Variants in CCDC141 observed in about 807,000 individuals in gnomAD.
CCDC141 encodes coiled-coil domain-containing protein 141.
A neutral mutation model predicts 181.0 loss-of-function variants in CCDC141; 168 were observed. The ratio of observed to expected loss-of-function variants is 0.93; its 90% confidence interval spans 0.82 to 1.05. The LOEUF (loss-of-function observed/expected upper bound fraction) is 1.05, where lower values mean the gene tolerates loss of function less well. Ranked by LOEUF, CCDC141 falls within the 50% of genes least tolerant of loss-of-function variation. CCDC141 has a pLI of 0.00. For synonymous variants in CCDC141, 666 were observed against 642.3 expected (o/e 1.04, Z -0.56); for missense variants, 1,902 against 1,788.5 (o/e 1.06, Z -1.14).
At chr2:179,025,604 A>G (rs2042820826) in intron 2 of CCDC141, among the ~76,000 whole-genome samples, 1 of 152,218 alleles carries the variant, frequency 6.6e-6, no homozygotes. Flanking sequence ...GTATGTCTTT[A>G]TCAGCAGTGT....
At chr2:178,847,698 T>C (rs932679580) in intron 21 of CCDC141, among the ~76,000 whole-genome samples, 7 of 152,282 alleles carry the variant, frequency 4.6e-5, no homozygotes, top group East Asian at 1.9e-4. Flanking sequence ...TAGTTATATG[T>C]GGGATTATAC....
At chr2:178,853,349 G>T in intron 20 of CCDC141, 92 bp downstream of exon 20, 1 of 1,158,012 alleles carries the variant, frequency 8.6e-7, no homozygotes, top group Non-Finnish European at 1.3e-6. Flanking sequence ...TGAGGACCCT[G>T]AGGACTTGCC....
In CCDC141 at chr2:178,987,163, G is replaced by A. The variant is rs1042749113; in HGVS notation, c.226-8488C>T. ...GAACACAGCCCTCAGAAATAATGCC[G>A]CATATCTACAACTATCTGATCTTTG... On this transcript the variant is annotated intron_variant, in intron 2 of 23. Transcript: ENST00000443758. 4.9e-5 allele frequency among the ~76,000 whole-genome samples: 6 copies of A among 122,400 alleles called. 3 individuals are homozygous for A. Among genetic ancestry groups the A allele is most frequent in the East Asian group, 7.4e-4 (2 of 2,700 alleles). The allele number at this position is 122,400 out of a possible 152,430, so 80.3% of individuals were successfully genotyped here.
At position 178,984,034 on chromosome 2, in the gene CCDC141, C is replaced by T. The variant is rs1435881102; in HGVS notation, c.226-5359G>A. On this transcript the variant is annotated intron_variant, in intron 2 of 23. Coordinates refer to ENST00000443758, the MANE Select transcript of CCDC141 (RefSeq NM_173648.4). Reference sequence around the variant, plus strand: ...ATTGTCAGATTCACCAAAGTTGAAACGAAGGAAAAAATGTTAAGGGCAGCC... The same window carrying T: ...ATTGTCAGATTCACCAAAGTTGAAATGAAGGAAAAAATGTTAAGGGCAGCC... Among the ~76,000 whole-genome samples the T allele has an allele frequency of 2.9e-3, 438 of 151,490 alleles. 1 individual carries two copies. Among genetic ancestry groups the T allele is most frequent in the Middle Eastern group, 0.02 (6 of 294 alleles).
At chr2:178,854,457 G>A (rs1685299104) in intron 19 of CCDC141, among the ~76,000 whole-genome samples, 1 of 152,202 alleles carries the variant, frequency 6.6e-6, no homozygotes, top group Non-Finnish European at 1.5e-5. Context: ...CCGGGAGGCA[G>A]AGCTTGCAGT....
chr2:178,994,099 C>T (rs894036320), intron 2 of CCDC141, among the ~76,000 whole-genome samples: 3 of 152,204 alleles, frequency 2.0e-5, no homozygotes, highest in Admixed American at 6.5e-5. Context: ...ATCTACCATT[C>T]TGGAGTCTCG....
chr2:178,883,289 A>G (rs984278932), intron 11 of CCDC141, among the ~76,000 whole-genome samples: 1 of 152,188 alleles, frequency 6.6e-6, no homozygotes, highest in African/African-American at 2.4e-5. Context: ...GTCAAGAACT[A>G]AAAAGAACAC....
chr2:178,935,154 CAGTGA>C (rs376497522), intron 6 of CCDC141, among the ~76,000 whole-genome samples: 10 of 152,024 alleles, frequency 6.6e-5, no homozygotes, highest in African/African-American at 1.9e-4. Context: ...TTCAGGGATA[CAGTGA>C]AGGTTTGTTA....
chr2:178,873,807 G>A (rs1172223791), intron 12 of CCDC141: 1 of 152,130 alleles, frequency 6.6e-6, no homozygotes, highest in Non-Finnish European at 1.5e-5. Context: ...GGCCACTAAA[G>A]CATTCATTTT....
intron 2 of CCDC141, among the ~76,000 whole-genome samples, chr2:179,022,896 C>G (rs191358196): frequency 6.6e-4 from 99 of 149,394 alleles, no homozygotes; most frequent in African/African-American, 2.2e-3. Context: ...CTATGAGATC[C>G]ACGGCCTCAG....
Position 178,905,418 on chromosome 2 carries a change from C to T in CCDC141, c.1176G>A (p.Arg392=). 1 of 1,550,960 alleles carries T rather than the reference C, an allele frequency of 6.4e-7. No individual in the cohort carries two copies. Among genetic ancestry groups the T allele is most frequent in the South Asian group, 1.2e-5 (1 of 84,050 alleles). ...TAATTTTTCTGTGTAATTCCTCATG[C>T]CTCACTGCCAAAACAGCCAGACTTA... The part of the protein sequence containing the change: ...EGLSLAVLAV[R]HEELHRKIKD... Residue 392 remains arginine (R), a synonymous_variant, in exon 8 of 24, where the codon AGG becomes AGA. Coordinates refer to ENST00000443758, the MANE Select transcript of CCDC141 (RefSeq NM_173648.4).
At chr2:178,889,668 A>G (rs1257624762) in intron 8 of CCDC141, among the ~76,000 whole-genome samples, 1 of 152,190 alleles carries the variant, frequency 6.6e-6, no homozygotes, top group Non-Finnish European at 1.5e-5. Flanking sequence ...AAGTAACCTC[A>G]CTGGAGTGAT....
At chr2:178,867,410 T>C (rs1685901296) in intron 16 of CCDC141, among the ~76,000 whole-genome samples, 1 of 152,222 alleles carries the variant, frequency 6.6e-6, no homozygotes, top group Non-Finnish European at 1.5e-5. Context: ...ACCAACTATG[T>C]CCAAATATCA....
intron 2 of CCDC141, among the ~76,000 whole-genome samples, chr2:179,015,415 A>ATG (rs1491548883): frequency 1.0e-5 from 1 of 96,316 alleles, no homozygotes; most frequent in Non-Finnish European, 2.0e-5. Flanking sequence ...TATATGTACC[A>ATG]TATATCTCAT....
At chr2:179,041,881 G>T (rs2043317683) in intron 2 of CCDC141, among the ~76,000 whole-genome samples, 1 of 152,116 alleles carries the variant, frequency 6.6e-6, no homozygotes, top group Admixed American at 6.5e-5. Flanking sequence ...AAATATATAT[G>T]TACCCAATAC....
intron 2 of CCDC141, among the ~76,000 whole-genome samples, chr2:178,979,893 TTAAAAACTTTAAA>T (rs1244771069): frequency 6.6e-6 from 1 of 152,104 alleles, no homozygotes; most frequent in Admixed American, 6.6e-5. Context: ...GCTACTACAT[TTAAAAACTTTAAA>T]TATATAGCTA....
rs1275882142 is a variant in CCDC141, at chr2:178,833,000, T to A, written c.*1173A>T. 1 of 152,184 alleles carries A rather than the reference T, an allele frequency of 6.6e-6. No homozygotes were observed. The highest frequency in any genetic ancestry group is 1.5e-5 in the Non-Finnish European group (1 of 68,028). 9.4% of individuals were successfully genotyped at this position (152,184 alleles called of 1,614,324 possible). A position where few individuals can be genotyped will look rare whatever the true frequency, so the allele number is the denominator to read the frequency against. ...TTCATCTCATACCATTCTATTACGT[T>A]TCCCCCTAGAACAAACAAAATGTAT... On this transcript the variant is annotated 3_prime_UTR_variant, in exon 24 of 24. Transcript: ENST00000443758.
chr2:178,852,157 A>G (rs560882702), intron 20 of CCDC141, among the ~76,000 whole-genome samples: 1 of 152,326 alleles, frequency 6.6e-6, no homozygotes, highest in African/African-American at 2.4e-5. Context: ...AAATACCTAT[A>G]TAAAATGTCA....
chr2:179,036,381 C>T (rs542795559), intron 2 of CCDC141, among the ~76,000 whole-genome samples: 12 of 152,244 alleles, frequency 7.9e-5, no homozygotes, highest in South Asian at 2.1e-4. Flanking sequence ...TAATGGACAC[C>T]GTAGACTCTC....
Sources: allele counts gnomAD v4.1 joint callset (sites outside exome capture counted in the v4.1 genomes callset), GRCh38; gene constraint gnomAD v4.1.1; transcripts MANE v1.5; gene names NCBI Gene and HGNC (gene_info 2026-07-23, HGNC 2026-07-21).